Variants in GSN observed in about 807,000 individuals in gnomAD.
GSN encodes gelsolin.
GSN carries 56 observed loss-of-function variants against 85.7 expected under a neutral mutation model. The ratio of observed to expected loss-of-function variants is 0.65; its 90% CI spans 0.53 to 0.82. GSN has a LOEUF of 0.82. GSN is among the 40% of genes least tolerant of loss of function. The pLI, the probability that GSN is intolerant of heterozygous loss-of-function variation, is 0.00. For missense variants in GSN, 857 were observed against 979.8 expected (o/e 0.87, Z 1.67); for synonymous variants, 373 against 399.1 (o/e 0.93, Z 0.78).
chr9:121,273,190 A>AT (rs1251256345), intron 1 of GSN, among the ~76,000 whole-genome samples: 3 of 152,162 alleles, frequency 2.0e-5, no homozygotes, highest in African/African-American at 4.8e-5. Flanking sequence ...GTGGGAGTGG[A>AT]TTCGTTTATT....
chr9:121,248,048 C>A (rs916026854), intron 5 of GSN, among the ~76,000 whole-genome samples: 1 of 152,128 alleles, frequency 6.6e-6, no homozygotes, highest in Non-Finnish European at 1.5e-5. Flanking sequence ...TTGATCCCAA[C>A]AAAGGGAGTT....
intron 6 of GSN, among the ~76,000 whole-genome samples, chr9:121,253,216 T>C (rs1211746359): frequency 1.3e-5 from 2 of 152,230 alleles, no homozygotes; most frequent in East Asian, 3.8e-4. Flanking sequence ...AATGTCAGCC[T>C]ACAAATTTTG....
Position 121,318,472 on chromosome 9 carries a change from TG to T in GSN, c.955del (p.Asp319ThrfsTer120). 1 of 1,613,778 alleles carries T rather than the reference TG, an allele frequency of 6.2e-7. No individual in the cohort carries two copies. Among genetic ancestry groups the T allele is most frequent in the Non-Finnish European group, 8.5e-7 (1 of 1,179,742 alleles). On this transcript the variant is annotated frameshift_variant, in exon 9 of 18. Transcript: ENST00000432226. LOFTEE classifies it high-confidence loss of function. The surrounding 1 kb of genome is among the most constrained non-coding windows in gnomAD (Gnocchi z 4.3). ...LKTASDFITK[M>X]DYPKQTQVSV... ...ACAGCCTCTGACTTCATCACCAAGA[TG>T]GACTACCCCAAGCAGACTCAGGTGA...
intron 4 of GSN, among the ~76,000 whole-genome samples, chr9:121,217,006 G>A (rs2054076047): frequency 6.6e-6 from 1 of 152,010 alleles, no homozygotes; most frequent in East Asian, 1.9e-4. Flanking sequence ...TCTGGGTTTT[G>A]TCTTCCACTT....
Position 121,332,405 on chromosome 9 carries a change from G to T in GSN, c.2027-29G>T. The T allele has an allele frequency of 6.2e-7, 1 of 1,610,080 alleles. No homozygotes were observed. The highest frequency in any genetic ancestry group is 8.5e-7 in the Non-Finnish European group (1 of 1,176,328). The stretch of plus-strand genomic sequence containing the variant: ...GTGGGAGGCACTAAGAATTCCTGGG[G>T]TTTCCTTTTCTTGCACGTGTGTCTG... On this transcript the variant is annotated intron_variant, in intron 17 of 17. Transcript: ENST00000432226. This position sits in a 1 kb window ranked among gnomAD's most constrained non-coding sequence, Gnocchi z 4.8.
At chr9:121,326,850 T>C in intron 13 of GSN, 168 bp downstream of exon 13, 2 of 781,988 alleles carry the variant, frequency 2.6e-6, no homozygotes, top group Non-Finnish European at 4.7e-6. Context: ...TGTCTTAGAC[T>C]CCCCCCTGTT....
intron 2 of GSN, chr9:121,282,133 G>A: frequency 2.1e-6 from 1 of 473,992 alleles, no homozygotes; most frequent in Non-Finnish European, 4.2e-6. Flanking sequence ...GGGGAGGTGG[G>A]GGGAGGAGTG....
chr9:121,260,662 A>C (rs2055063597), intron 6 of GSN, among the ~76,000 whole-genome samples: 1 of 152,164 alleles, frequency 6.6e-6, no homozygotes, highest in African/African-American at 2.4e-5. Context: ...TGCCGATGAC[A>C]CAATGGAGAC....
At chr9:121,218,461 C>T (rs751399519) in intron 4 of GSN, among the ~76,000 whole-genome samples, 2 of 152,070 alleles carry the variant, frequency 1.3e-5, no homozygotes, top group Non-Finnish European at 2.9e-5. Context: ...ATGGCAAAAC[C>T]CTGTAACTAC....
At chr9:121,317,716 G>A (rs1028062885) in intron 8 of GSN, 4 of 233,942 alleles carry the variant, frequency 1.7e-5, no homozygotes, top group Non-Finnish European at 3.4e-5. Flanking sequence ...CATTGGCCCA[G>A]ATGTTTCCCA....
rs997140631 is a variant in GSN at position 121,318,284 on chromosome 9, T to A, written c.887-122T>A. 2.1e-5 allele frequency: 18 copies of A among 848,462 alleles called. No individual in the cohort carries two copies. The Admixed American group carries it at 2.3e-4, about 11-fold the overall frequency. 52.6% of individuals were successfully genotyped at this position (848,462 alleles called of 1,614,324 possible). A position where few individuals can be genotyped will look rare whatever the true frequency, so the allele number is the denominator to read the frequency against. Reference sequence around the variant, plus strand: ...CTCTGGGGGTCTCTGGCCTTGGCTGTCCACAGTCTAAGAAGAGTAGGGAGG... The same window carrying A: ...CTCTGGGGGTCTCTGGCCTTGGCTGACCACAGTCTAAGAAGAGTAGGGAGG... On this transcript the variant is annotated intron_variant, in intron 8 of 17. Coordinates refer to ENST00000432226, the MANE Select transcript of GSN (RefSeq NM_198252.3). The surrounding 1 kb of genome is among the most constrained non-coding windows in gnomAD (Gnocchi z 4.3).
intron 5 of GSN, among the ~76,000 whole-genome samples, chr9:121,246,411 TCTTAA>T (rs1376420907): frequency 1.3e-5 from 2 of 152,224 alleles, no homozygotes; most frequent in South Asian, 2.1e-4. Context: ...AATTCAAATT[TCTTAA>T]CTTAATTATA....
Position 121,323,371 on chromosome 9 carries a change from G to GT in GSN, c.1326-1165dup, listed in dbSNP as rs59056849. Among the ~76,000 whole-genome samples the GT allele has an allele frequency of 2.2e-3, 254 of 117,720 alleles. 4 individuals carry two copies. Among genetic ancestry groups the GT allele is most frequent in the Middle Eastern group, 0.015 (3 of 194 alleles). The allele number at this position is 117,720 out of a possible 152,430, so 77.2% of individuals were successfully genotyped here. A position where few individuals can be genotyped will look rare whatever the true frequency, so the allele number is the denominator to read the frequency against. ...AAATTTCCTCAGTTTTCCCATTACC[G>GT]TTTTTTTTTTTTTTTTTTAGACAGA... On this transcript the variant is annotated intron_variant, in intron 11 of 17. Transcript: ENST00000432226.
chr9:121,229,143 A>C (rs1358307139), intron 4 of GSN, among the ~76,000 whole-genome samples: 1 of 151,950 alleles, frequency 6.6e-6, no homozygotes, highest in African/African-American at 2.4e-5. Context: ...AATTCTCATA[A>C]CTCTCAAGTC....
chr9:121,232,859 T>C (rs2054420370), intron 5 of GSN, among the ~76,000 whole-genome samples: 1 of 152,200 alleles, frequency 6.6e-6, no homozygotes, highest in Admixed American at 6.5e-5. Flanking sequence ...TGATGTTTGC[T>C]TTGTGGCTGA....
At chr9:121,322,324 C>T (rs2062580589) in intron 11 of GSN, among the ~76,000 whole-genome samples, 1 of 152,220 alleles carries the variant, frequency 6.6e-6, no homozygotes, top group Non-Finnish European at 1.5e-5. Context: ...TTTTCTGACT[C>T]CATTCTTCCT....
At chr9:121,250,759 G>A (rs1330284638) in intron 6 of GSN, among the ~76,000 whole-genome samples, 3 of 151,734 alleles carry the variant, frequency 2.0e-5, no homozygotes, top group African/African-American at 7.3e-5. Flanking sequence ...GGCTGGTCTC[G>A]AACTCCCGAC....
intron 4 of GSN, chr9:121,309,923 A>G (rs184455438): frequency 2.0e-5 from 3 of 152,686 alleles, no homozygotes; most frequent in African/African-American, 4.8e-5. Flanking sequence ...GATTGTACCA[A>G]TGCACTGCAG....
chr9:121,223,232 G>A (rs1440704553), intron 4 of GSN, among the ~76,000 whole-genome samples: 1 of 152,224 alleles, frequency 6.6e-6, no homozygotes, highest in Non-Finnish European at 1.5e-5. Flanking sequence ...CCTTTCCCTA[G>A]CCCTGGCTTT....
Sources: allele counts gnomAD v4.1 joint callset (sites outside exome capture counted in the v4.1 genomes callset), GRCh38; gene constraint gnomAD v4.1.1; non-coding constraint Gnocchi (gnomAD v3.1); transcripts MANE v1.5; gene names NCBI Gene and HGNC (gene_info 2026-07-23, HGNC 2026-07-21).